The following SEC16B variants were observed in gnomAD, a reference collection of about 807,000 sequenced individuals.
SEC16B encodes protein transport protein Sec16B.
A neutral mutation model predicts 141.8 loss-of-function variants in SEC16B; 115 were observed. The observed-to-expected ratio is 0.81, with a 90% CI of 0.70 to 0.95. The LOEUF (loss-of-function observed/expected upper bound fraction) is 0.95. SEC16B is among the 40% of genes least tolerant of loss of function. The pLI is 0.00. For synonymous variants in SEC16B, 493 were observed against 492.5 expected (o/e 1.00, Z -0.01); for missense variants, 1,291 against 1,312.3 (o/e 0.98, Z 0.25).
intron 1 of SEC16B, among the ~76,000 whole-genome samples, chr1:177,975,900 G>A (rs1321516270): frequency 6.6e-6 from 1 of 152,186 alleles, no homozygotes; most frequent in African/African-American, 2.4e-5. Context: ...CTGGGTGGCA[G>A]ACAAGATGCA....
At chr1:177,931,134 T>C (rs1341662341) in intron 24 of SEC16B, among the ~76,000 whole-genome samples, 5 of 152,238 alleles carry the variant, frequency 3.3e-5, no homozygotes, top group Admixed American at 6.5e-5. Context: ...AGTATGTTTA[T>C]AGCAGCACAA....
intron 12 of SEC16B, among the ~76,000 whole-genome samples, chr1:177,950,595 A>C (rs1003207936): frequency 6.6e-6 from 1 of 152,222 alleles, no homozygotes; most frequent in Non-Finnish European, 1.5e-5. Flanking sequence ...TTCACTACAA[A>C]AATGTTACCA....
At chr1:177,934,442 A>G (rs1403150224) in intron 20 of SEC16B, among the ~76,000 whole-genome samples, 2 of 152,222 alleles carry the variant, frequency 1.3e-5, no homozygotes, top group Admixed American at 6.5e-5. Context: ...ATAGAGCACA[A>G]TTGATACAAA....
chr1:177,975,723 C>A (rs1057323230), intron 1 of SEC16B, among the ~76,000 whole-genome samples: 1 of 152,184 alleles, frequency 6.6e-6, no homozygotes, highest in Non-Finnish European at 1.5e-5. Flanking sequence ...AGTCAGCAAG[C>A]ATCTCATATT....
upstream of SEC16B, among the ~76,000 whole-genome samples, chr1:177,971,229 G>A (rs1411685486): frequency 5.1e-4 from 77 of 151,926 alleles, 3 homozygotes; most frequent in Admixed American, 4.7e-3. Context: ...TTACAGGTGC[G>A]TGCCACCACC....
At chr1:177,974,774 T>A (rs1407374020), upstream of SEC16B, among the ~76,000 whole-genome samples, 2 of 152,112 alleles carry the variant, frequency 1.3e-5, no homozygotes, top group African/African-American at 4.8e-5. Flanking sequence ...GCACTTGGAT[T>A]TGAAGAATTG....
At chr1:177,971,857 G>A (rs1653971073), upstream of SEC16B, among the ~76,000 whole-genome samples, 1 of 152,198 alleles carries the variant, frequency 6.6e-6, no homozygotes, top group Non-Finnish European at 1.5e-5. Flanking sequence ...AATTGTGTGA[G>A]CCGGTTGTTA....
chr1:177,947,695 G>A (rs907342969), intron 13 of SEC16B, 130 bp downstream of exon 13: 16 of 597,166 alleles, frequency 2.7e-5, no homozygotes, highest in Non-Finnish European at 4.3e-5. Flanking sequence ...ACCTGGACGG[G>A]GAGGGGAGGT....
chr1:177,968,136 G>T, intron 1 of SEC16B, 97 bp from the exon 2 acceptor site: 1 of 662,310 alleles, frequency 1.5e-6, no homozygotes, highest in Non-Finnish European at 2.4e-6. Context: ...TATGGTCCTC[G>T]AAATATATCT....
At chr1:177,940,391 A>G (rs1312934126) in intron 17 of SEC16B, among the ~76,000 whole-genome samples, 1 of 152,190 alleles carries the variant, frequency 6.6e-6, no homozygotes, top group Non-Finnish European at 1.5e-5. Context: ...ATGCGAACAT[A>G]GGAAAACGCT....
chr1:177,979,742 C>G (rs1363727999), intron 1 of SEC16B, among the ~76,000 whole-genome samples: 1 of 152,190 alleles, frequency 6.6e-6, no homozygotes, highest in Non-Finnish European at 1.5e-5. Flanking sequence ...CTGAGGAGGC[C>G]TCACAATCAT....
chr1:177,935,660 AG>A (rs1318187366), intron 20 of SEC16B, among the ~76,000 whole-genome samples: 119 of 138,118 alleles, frequency 8.6e-4, no homozygotes, highest in African/African-American at 3.1e-3. Context: ...CACTTCAGTC[AG>A]GAAAAAAAAA....
intron 1 of SEC16B, among the ~76,000 whole-genome samples, chr1:177,975,457 G>A (rs950331575): frequency 6.6e-6 from 1 of 152,164 alleles, no homozygotes; most frequent in African/African-American, 2.4e-5. Flanking sequence ...GAGGCAGTGA[G>A]TTTAGGGGGC....
At chr1:177,982,040 A>G (rs1228468686) in intron 1 of SEC16B, among the ~76,000 whole-genome samples, 1 of 152,230 alleles carries the variant, frequency 6.6e-6, no homozygotes, top group East Asian at 1.9e-4. Context: ...AATGAAGACT[A>G]AGAAGGCAAA....
Position 177,930,512 on chromosome 1 carries a change from C to G in SEC16B, c.3111+33G>C. The G allele has an allele frequency of 2.0e-6, 3 of 1,515,230 alleles. No individual in the cohort carries two copies. In the Middle Eastern group the frequency reaches 5.2e-4, roughly 264 times the overall value. 93.9% of individuals were successfully genotyped at this position (1,515,230 alleles called of 1,614,324 possible). A position where few individuals can be genotyped will look rare whatever the true frequency, so the allele number is the denominator to read the frequency against. Reference sequence around the variant, plus strand: ...TCTCCTTAATCCAAAACCTGTACTCCTGGCCAGCCCCTCCCCCTGAGGGCT... The same window carrying G: ...TCTCCTTAATCCAAAACCTGTACTCGTGGCCAGCCCCTCCCCCTGAGGGCT... On this transcript the variant is annotated intron_variant, in intron 25 of 25. Transcript: ENST00000308284.
chr1:177,949,381 TAA>T (rs1491515278), intron 12 of SEC16B, among the ~76,000 whole-genome samples: 11 of 103,492 alleles, frequency 1.1e-4, no homozygotes, highest in Admixed American at 3.2e-4. Flanking sequence ...AATCCCTTGC[TAA>T]ACACACACAC....
chr1:177,969,313 CAAG>C (rs754634187), intron 1 of SEC16B, among the ~76,000 whole-genome samples: 7 of 152,166 alleles, frequency 4.6e-5, no homozygotes, highest in Non-Finnish European at 8.8e-5. Context: ...GCAGAACACA[CAAG>C]AAGAACAAGG....
chr1:177,948,210 T>C (rs1651884071), intron 12 of SEC16B, among the ~76,000 whole-genome samples: 1 of 152,172 alleles, frequency 6.6e-6, no homozygotes, highest in Non-Finnish European at 1.5e-5. Flanking sequence ...ATGACATTGC[T>C]CACTTACTAT....
intron 16 of SEC16B, among the ~76,000 whole-genome samples, chr1:177,941,011 T>G (rs1215261201): frequency 6.6e-6 from 1 of 152,216 alleles, no homozygotes; most frequent in Non-Finnish European, 1.5e-5. Flanking sequence ...TCTGTAACAG[T>G]GTTTCTCAAA....
Sources: gnomAD v4.1 joint callset for allele counts (sites outside exome capture counted in the v4.1 genomes callset) on GRCh38, gnomAD v4.1.1 for gene constraint, MANE v1.5 for transcripts, NCBI Gene and HGNC (gene_info 2026-07-23, HGNC 2026-07-21) for gene names.